Variants in DAB1 observed in about 807,000 individuals in gnomAD.
The protein encoded by DAB1 is disabled homolog 1.
A neutral mutation model predicts 64.6 loss-of-function variants in DAB1; 15 were observed. The observed-to-expected ratio is 0.23, with a 90% CI of 0.16 to 0.36. DAB1 has a LOEUF of 0.36. DAB1 is among the 10% of genes least tolerant of loss of function. The pLI is 1.00. For synonymous variants in DAB1, 235 were observed against 251.9 expected (o/e 0.93, Z 0.64); for missense variants, 596 against 706.7 (o/e 0.84, Z 1.78).
At chr1:57,817,818 A>G (rs962629435) in intron 6 of DAB1, among the ~76,000 whole-genome samples, 10 of 152,158 alleles carry the variant, frequency 6.6e-5, no homozygotes, top group African/African-American at 2.4e-4. Flanking sequence ...TCACCCAAGG[A>G]CAGAGCTCAT....
intron 6 of DAB1, among the ~76,000 whole-genome samples, chr1:57,730,737 T>G (rs562075915): frequency 1.3e-5 from 2 of 152,306 alleles, no homozygotes; most frequent in Non-Finnish European, 2.9e-5. Flanking sequence ...CCATTGTGGT[T>G]TGGTAGACAG....
chr1:57,329,699 AC>A (rs1676490057), intron 1 of DAB1, among the ~76,000 whole-genome samples: 1 of 150,892 alleles, frequency 6.6e-6, no homozygotes, highest in Non-Finnish European at 1.5e-5. Context: ...ACAAAAACAT[AC>A]CCATAGATAC....
At chr1:57,409,836 A>G (rs1683966814) in intron 1 of DAB1, among the ~76,000 whole-genome samples, 1 of 152,154 alleles carries the variant, frequency 6.6e-6, no homozygotes, top group South Asian at 2.1e-4. Context: ...AACAAAAACT[A>G]GCATCAGATA....
chr1:57,131,395 T>A (rs1031480971), intron 4 of DAB1, among the ~76,000 whole-genome samples: 3 of 152,218 alleles, frequency 2.0e-5, no homozygotes, highest in South Asian at 2.1e-4. Flanking sequence ...CACACTGTCA[T>A]GTTTACAGGC....
At chr1:57,695,353 A>AAAG (rs1207971460) in intron 6 of DAB1, among the ~76,000 whole-genome samples, 488 of 38,820 alleles carry the variant, frequency 0.013, 4 homozygotes, top group Admixed American at 0.014. Context: ...AGAAAGAAAG[A>AAAG]AAAGAAAGAA....
At chr1:58,088,165 A>T (rs1181124249) in intron 5 of DAB1, among the ~76,000 whole-genome samples, 1 of 152,226 alleles carries the variant, frequency 6.6e-6, no homozygotes, top group African/African-American at 2.4e-5. Flanking sequence ...ACAGAAGTCA[A>T]AATTGAGGAT....
In DAB1 at chr1:57,051,341, C is replaced by T. The variant is rs530445696; in HGVS notation, c.723+11543G>A. On this transcript the variant is annotated intron_variant, in intron 9 of 14. Transcript: ENST00000371236. ...GAAGTGAAATTGACAAACGTTCAGACAAGATTTAATCCAATTATCCAACAT... is the reference window on the plus strand; with the variant it reads ...GAAGTGAAATTGACAAACGTTCAGATAAGATTTAATCCAATTATCCAACAT... 1.2e-4 allele frequency among the ~76,000 whole-genome samples: 19 copies of T among 152,244 alleles called. 1 individual carries two copies. The highest frequency in any genetic ancestry group is 3.9e-4 in the African/African-American group (16 of 41,544).
intron 5 of DAB1, among the ~76,000 whole-genome samples, chr1:57,917,958 C>T (rs923774242): frequency 2.0e-5 from 3 of 151,912 alleles, no homozygotes; most frequent in Admixed American, 2.0e-4. Context: ...ATCCCAGCTA[C>T]ATGGGAGGCT....
intron 2 of DAB1, among the ~76,000 whole-genome samples, chr1:58,506,570 A>G (rs1645993948): frequency 6.6e-6 from 1 of 152,324 alleles, no homozygotes; most frequent in Non-Finnish European, 1.5e-5. Flanking sequence ...CCCATATACA[A>G]CATTCACAAT....
At chr1:57,159,592 T>A (rs572086150) in intron 2 of DAB1, among the ~76,000 whole-genome samples, 1 of 152,196 alleles carries the variant, frequency 6.6e-6, no homozygotes, top group East Asian at 1.9e-4. Flanking sequence ...GCTGAATAAA[T>A]AAATATATAT....
chr1:57,221,607 A>G (rs1041813768), intron 2 of DAB1, among the ~76,000 whole-genome samples: 6 of 152,230 alleles, frequency 3.9e-5, no homozygotes, highest in African/African-American at 9.6e-5. Flanking sequence ...TCTAGAGACC[A>G]TAATTCCTGT....
chr1:57,675,926 A>C (rs1646561186), intron 6 of DAB1, among the ~76,000 whole-genome samples: 1 of 152,188 alleles, frequency 6.6e-6, no homozygotes, highest in Non-Finnish European at 1.5e-5. Flanking sequence ...TTGGGGCTGG[A>C]AGGGACAGAC....
chr1:56,998,028 T>C lies in DAB1; in HGVS notation c.*116A>G, dbSNP rs1209419297. 6.6e-6 allele frequency: 1 copy of C among 152,594 alleles called. No individual in the cohort carries two copies. The highest frequency in any genetic ancestry group is 2.4e-5 in the African/African-American group (1 of 41,424). 9.5% of individuals were successfully genotyped at this position (152,594 alleles called of 1,614,324 possible). On this transcript the variant is annotated 3_prime_UTR_variant, in exon 15 of 15. Coordinates refer to ENST00000371236, the MANE Select transcript of DAB1 (RefSeq NM_001365792.1). ...AGGTGAAAGAATACAAGAGAGCCTG[T>C]CGTGATGCTGATGTCCATGCCAGTC...
intron 2 of DAB1, among the ~76,000 whole-genome samples, chr1:58,521,408 T>A (rs1356202183): frequency 1.3e-5 from 2 of 149,854 alleles, no homozygotes; most frequent in South Asian, 4.2e-4. Context: ...ACCCAAAAAA[T>A]GAATGCAGAA....
chr1:57,654,796 A>T (rs919797796), intron 6 of DAB1, among the ~76,000 whole-genome samples: 5 of 152,154 alleles, frequency 3.3e-5, no homozygotes, highest in African/African-American at 1.2e-4. Context: ...ATTGATGCTC[A>T]GTATTAAACA....
intron 2 of DAB1, among the ~76,000 whole-genome samples, chr1:57,246,639 C>T (rs1310772061): frequency 1.3e-5 from 2 of 152,168 alleles, no homozygotes; most frequent in African/African-American, 4.8e-5. Flanking sequence ...GTCCTCCAGA[C>T]CCCATAAAGG....
chr1:57,212,206 C>A (rs925028516), intron 2 of DAB1, among the ~76,000 whole-genome samples: 2 of 151,950 alleles, frequency 1.3e-5, no homozygotes, highest in African/African-American at 4.8e-5. Context: ...CCTAGCCCAT[C>A]CCCCTGTTTT....
At chr1:57,239,693 T>G (rs1668364961) in intron 2 of DAB1, among the ~76,000 whole-genome samples, 1 of 152,200 alleles carries the variant, frequency 6.6e-6, no homozygotes, top group Non-Finnish European at 1.5e-5. Flanking sequence ...ATTTTTCTTT[T>G]TATTTACCCA....
intron 7 of DAB1, among the ~76,000 whole-genome samples, chr1:57,540,938 T>C (rs1207502080): frequency 6.6e-6 from 1 of 152,092 alleles, no homozygotes; most frequent in Non-Finnish European, 1.5e-5. Flanking sequence ...TTAACAACAA[T>C]GTACTGTATA....
Sources: allele counts gnomAD v4.1 joint callset (sites outside exome capture counted in the v4.1 genomes callset), GRCh38; gene constraint gnomAD v4.1.1; transcripts MANE v1.5; gene names NCBI Gene and HGNC (gene_info 2026-07-23, HGNC 2026-07-21).